Variants in KAZN observed in about 807,000 individuals in gnomAD.
KAZN encodes kazrin, periplakin interacting protein, also known as kazrin.
A neutral mutation model predicts 87.4 loss-of-function variants in KAZN; 40 were observed. The observed-to-expected ratio is 0.46, with a 90% CI of 0.36 to 0.60. KAZN has a LOEUF of 0.60. Among genes scored for constraint, KAZN ranks in the 20% least tolerant of loss-of-function variants. KAZN has a pLI of 0.00. For missense variants in KAZN, 898 were observed against 1,073.9 expected (o/e 0.84, Z 2.29); for synonymous variants, 466 against 458.3 (o/e 1.02, Z -0.22).
chr1:14,617,433 TG>T (rs1557839905), intron 1 of KAZN, among the ~76,000 whole-genome samples: 1 of 152,202 alleles, frequency 6.6e-6, no homozygotes, highest in Non-Finnish European at 1.5e-5. Flanking sequence ...AACATGCTTT[TG>T]GGAAATTGGC....
At chr1:14,617,872 TG>T (rs1355411793) in intron 1 of KAZN, among the ~76,000 whole-genome samples, 1 of 152,218 alleles carries the variant, frequency 6.6e-6, no homozygotes, top group East Asian at 1.9e-4. Flanking sequence ...GTTTGATCTA[TG>T]GGCTTTCCCA....
Position 14,346,382 on chromosome 1 carries a change from G to A in KAZN, c.249+165790G>A, listed in dbSNP as rs1166876255. 3.9e-5 allele frequency among the ~76,000 whole-genome samples: 6 copies of A among 152,156 alleles called. 1 individual carries two copies. The highest frequency in any genetic ancestry group is 4.1e-4 in the South Asian group (2 of 4,826). Reference sequence around the variant, plus strand: ...ATGACTCATAGCTGGGGACAGAAGCGAATCCCTCTTGCTGACCTGTGCCCT... The same window carrying A: ...ATGACTCATAGCTGGGGACAGAAGCAAATCCCTCTTGCTGACCTGTGCCCT... On this transcript the variant is annotated intron_variant, in intron 2 of 16. Transcript: ENST00000636203.
At chr1:14,081,296 C>T (rs556982469) in intron 1 of KAZN, among the ~76,000 whole-genome samples, 62 of 152,156 alleles carry the variant, frequency 4.1e-4, no homozygotes, top group African/African-American at 1.3e-3. Flanking sequence ...TGAAGATGGC[C>T]GTGAACTGCA....
chr1:14,984,188 T>C (rs965432259), intron 2 of KAZN, among the ~76,000 whole-genome samples: 2 of 151,978 alleles, frequency 1.3e-5, no homozygotes, highest in African/African-American at 2.4e-5. Flanking sequence ...CAAAACTCCA[T>C]CTCTACTAAA....
intron 2 of KAZN, among the ~76,000 whole-genome samples, chr1:14,352,196 C>T (rs1264176284): frequency 1.3e-5 from 2 of 152,078 alleles, no homozygotes; most frequent in Admixed American, 6.5e-5. Flanking sequence ...AAGATTTTTT[C>T]ACATCTATCT....
chr1:14,282,900 C>A (rs781669308), intron 2 of KAZN, among the ~76,000 whole-genome samples: 1 of 152,094 alleles, frequency 6.6e-6, no homozygotes, highest in South Asian at 2.1e-4. Flanking sequence ...GGGAAAGAAA[C>A]GAGAGAGGAT....
chr1:14,966,290 T>C (rs1342526128), intron 2 of KAZN, among the ~76,000 whole-genome samples: 2 of 152,200 alleles, frequency 1.3e-5, no homozygotes, highest in Non-Finnish European at 2.9e-5. Flanking sequence ...AATATAGTTA[T>C]GTTTTAATGA....
rs112904293 is a variant in KAZN, at chr1:14,172,445, A to G, written c.92-7990A>G. Among the ~76,000 whole-genome samples the G allele has an allele frequency of 1.9e-3, 291 of 152,334 alleles. 1 individual carries two copies. The highest frequency in any genetic ancestry group is 3.8e-3 in the Non-Finnish European group (259 of 68,026). ...GTTTGTTCGAGCACTATTATGTGCCAGGTCCTATGCTTAAATCAGGGGATA... is the reference window on the plus strand; with the variant it reads ...GTTTGTTCGAGCACTATTATGTGCCGGGTCCTATGCTTAAATCAGGGGATA... On this transcript the variant is annotated intron_variant, in intron 1 of 16. Transcript: ENST00000636203.
intron 2 of KAZN, among the ~76,000 whole-genome samples, chr1:14,979,124 G>A (rs1030585894): frequency 4.0e-5 from 6 of 151,802 alleles, no homozygotes; most frequent in Admixed American, 6.6e-5. Flanking sequence ...GGCTGGTCTC[G>A]AACTCCTAAT....
At chr1:14,831,733 G>A (rs1369092086) in intron 1 of KAZN, among the ~76,000 whole-genome samples, 1 of 152,138 alleles carries the variant, frequency 6.6e-6, no homozygotes, top group East Asian at 1.9e-4. Context: ...GGGAAACCGA[G>A]ACAGGGAAAT....
intron 2 of KAZN, among the ~76,000 whole-genome samples, chr1:14,970,185 A>G (rs903867613): frequency 2.0e-5 from 3 of 152,184 alleles, no homozygotes; most frequent in Non-Finnish European, 4.4e-5. Context: ...TTTACAGAAA[A>G]GTTTCTAAGA....
At chr1:13,965,619 G>A (rs1178901429) in intron 1 of KAZN, among the ~76,000 whole-genome samples, 1 of 152,126 alleles carries the variant, frequency 6.6e-6, no homozygotes, top group Non-Finnish European at 1.5e-5. Context: ...CTGAAGTCAG[G>A]GAATACATCT....
chr1:13,896,484 G>A (rs988487762), intron 1 of KAZN, among the ~76,000 whole-genome samples: 7 of 152,060 alleles, frequency 4.6e-5, no homozygotes, highest in African/African-American at 1.7e-4. Flanking sequence ...TAGAGATGAA[G>A]TCTCGTTATG....
At chr1:14,107,163 T>A (rs1394404611) in intron 1 of KAZN, among the ~76,000 whole-genome samples, 1 of 151,344 alleles carries the variant, frequency 6.6e-6, no homozygotes, top group Non-Finnish European at 1.5e-5. Context: ...ATTTGGGATT[T>A]TTCTCCCCAT....
intron 2 of KAZN, among the ~76,000 whole-genome samples, chr1:14,545,571 G>A (rs994061729): frequency 2.0e-5 from 3 of 152,248 alleles, no homozygotes; most frequent in South Asian, 2.1e-4. Flanking sequence ...AGTGTTTAGT[G>A]TATTACCTGG....
chr1:14,518,475 C>G (rs567020294), intron 2 of KAZN, among the ~76,000 whole-genome samples: 2 of 152,104 alleles, frequency 1.3e-5, no homozygotes, highest in Non-Finnish European at 2.9e-5. Flanking sequence ...CTGCACCCAG[C>G]CTGTTTGAAA....
At chr1:14,980,236 C>G (rs1368076520) in intron 2 of KAZN, among the ~76,000 whole-genome samples, 1 of 152,202 alleles carries the variant, frequency 6.6e-6, no homozygotes, top group African/African-American at 2.4e-5. Flanking sequence ...AAATATTTTA[C>G]TAAGCTTAGA....
intron 2 of KAZN, among the ~76,000 whole-genome samples, chr1:14,187,682 A>T (rs1223191140): frequency 2.0e-5 from 3 of 152,188 alleles, no homozygotes; most frequent in African/African-American, 7.2e-5. Flanking sequence ...AGTAGGTAGA[A>T]GCCAAGGATG....
rs1644027151 is a variant in KAZN at position 14,092,583 on chromosome 1, ATATATG to A, written c.92-87849_92-87844del. Among the ~76,000 whole-genome samples the A allele has an allele frequency of 6.7e-5, 10 of 148,736 alleles. No homozygotes were observed. The South Asian group carries it at 1.9e-3, about 28-fold the overall frequency. Reference sequence around the variant, plus strand: ...CACACATATATACATATGTATGTACATATATGTACATATACACACATATATACATAT... The same window carrying A: ...CACACATATATACATATGTATGTACATACATATACACACATATATACATAT... On this transcript the variant is annotated intron_variant, in intron 1 of 16. Transcript: ENST00000636203.
Sources: allele counts gnomAD v4.1 joint callset (sites outside exome capture counted in the v4.1 genomes callset), GRCh38; gene constraint gnomAD v4.1.1; transcripts MANE v1.5; gene names NCBI Gene and HGNC (gene_info 2026-07-23, HGNC 2026-07-21).